Variants in STIMATE observed in about 807,000 individuals in gnomAD.
STIMATE encodes the protein store-operated calcium entry regulator STIMATE.
STIMATE carries 15 observed loss-of-function variants against 36.7 expected under a neutral mutation model. That is an observed-to-expected ratio of 0.41 (90% CI 0.27 to 0.63). STIMATE has a LOEUF of 0.63. Among genes scored for constraint, STIMATE ranks in the 20% least tolerant of loss-of-function variants. STIMATE has a pLI of 0.32. For synonymous variants in STIMATE, 163 were observed against 162.3 expected (o/e 1.00, Z -0.03); for missense variants, 305 against 397.3 (o/e 0.77, Z 1.98).
chr3:52,849,764 G>T (rs377748266), intron 4 of STIMATE, 28 bp downstream of exon 4: 4 of 1,603,948 alleles, frequency 2.5e-6, no homozygotes, highest in Non-Finnish European at 3.4e-6. Flanking sequence ...GTTCCCTCAC[G>T]CCCTGTCCGG....
Position 52,897,519 on chromosome 3 carries a change from C to G in STIMATE, c.-69G>C. On this transcript the variant is annotated 5_prime_UTR_variant, in exon 1 of 8. Transcript: ENST00000355083. ...GCCTCGCTGCCTGCCGGCGCAGCGCCGCCAAACCCGCAGCCGGGATCCCAA... is the reference window on the plus strand; with the variant it reads ...GCCTCGCTGCCTGCCGGCGCAGCGCGGCCAAACCCGCAGCCGGGATCCCAA... 8.4e-7 allele frequency: 1 copy of G among 1,186,472 alleles called. No individual in the cohort carries two copies. The highest frequency in any genetic ancestry group is 1.0e-6 in the Non-Finnish European group (1 of 959,752). 73.5% of individuals were successfully genotyped at this position (1,186,472 alleles called of 1,614,324 possible).
chr3:52,854,242 A>C (rs1011486447), intron 2 of STIMATE, among the ~76,000 whole-genome samples: 4 of 152,182 alleles, frequency 2.6e-5, no homozygotes, highest in Non-Finnish European at 4.4e-5. Flanking sequence ...ATTTCCCGGA[A>C]GACAGGAGCC....
intron 1 of STIMATE, chr3:52,895,940 T>C: frequency 7.8e-7 from 1 of 1,289,816 alleles, no homozygotes; most frequent in Non-Finnish European, 1.0e-6. Context: ...TTTGGCTAAG[T>C]TGTCACAAAT....
Position 52,839,756 on chromosome 3 carries a change from C to A in STIMATE, c.*738G>T, listed in dbSNP as rs1279812943. ...AATAATATTCCAAATAAAAAACTCC[C>A]GATTTTTCCTCCTGCCAGCCCACAC... On this transcript the variant is annotated 3_prime_UTR_variant, in exon 8 of 8. Coordinates refer to ENST00000355083, the MANE Select transcript of STIMATE (RefSeq NM_198563.5). 6.6e-6 allele frequency: 1 copy of A among 152,160 alleles called. No individual in the cohort carries two copies. The highest frequency in any genetic ancestry group is 1.5e-5 in the Non-Finnish European group (1 of 68,014). The allele number at this position is 152,160 out of a possible 1,614,324, so 9.4% of individuals were successfully genotyped here. A position where few individuals can be genotyped will look rare whatever the true frequency, so the allele number is the denominator to read the frequency against.
chr3:52,863,074 G>C (rs1367099985), intron 1 of STIMATE, among the ~76,000 whole-genome samples: 1 of 152,212 alleles, frequency 6.6e-6, no homozygotes. Flanking sequence ...TCAGAACAGT[G>C]AGAAAACATT....
In STIMATE at chr3:52,888,004, T is replaced by TG. The variant is rs1559499736; in HGVS notation, c.160+9286_160+9287insC. On this transcript the variant is annotated intron_variant, in intron 1 of 7. Transcript: ENST00000355083. ...CATATAACAGAATCAGTTTTTTTTT[T>TG]TTTTTTTTTTTTTTTTTGCCAGTAA... 5.7e-4 allele frequency among the ~76,000 whole-genome samples: 79 copies of TG among 137,482 alleles called. 1 individual carries two copies. The highest frequency in any genetic ancestry group is 1.0e-3 in the South Asian group (4 of 3,900). The allele number at this position is 137,482 out of a possible 152,430, so 90.2% of individuals were successfully genotyped here. A position where few individuals can be genotyped will look rare whatever the true frequency, so the allele number is the denominator to read the frequency against.
At chr3:52,866,943 TA>T (rs952244491) in intron 1 of STIMATE, among the ~76,000 whole-genome samples, 13 of 152,098 alleles carry the variant, frequency 8.5e-5, no homozygotes, top group East Asian at 1.9e-4. Context: ...GATGCAGGGA[TA>T]GGGGGAATGT....
chr3:52,861,034 T>G (rs1472696800), intron 1 of STIMATE, among the ~76,000 whole-genome samples: 1 of 152,168 alleles, frequency 6.6e-6, no homozygotes. Context: ...CTTTCTTCAT[T>G]AGTGGTGCTT....
intron 1 of STIMATE, among the ~76,000 whole-genome samples, chr3:52,865,645 T>C (rs1257789305): frequency 6.6e-6 from 1 of 152,168 alleles, no homozygotes; most frequent in African/African-American, 2.4e-5. Flanking sequence ...ATGATTCAAA[T>C]TGTCTCCTAT....
chr3:52,865,068 T>A (rs1369689855), intron 1 of STIMATE, among the ~76,000 whole-genome samples: 1 of 151,986 alleles, frequency 6.6e-6, no homozygotes, highest in Non-Finnish European at 1.5e-5. Flanking sequence ...TGCCTCAGCC[T>A]CCTGAGTAGC....
intron 1 of STIMATE, among the ~76,000 whole-genome samples, chr3:52,860,264 A>C (rs527417507): frequency 1.1e-4 from 17 of 152,100 alleles, no homozygotes; most frequent in South Asian, 2.1e-4. Context: ...GGAGAGGAAT[A>C]ACATATGGAG....
At chr3:52,843,585 G>A (rs1158316371) in intron 6 of STIMATE, 136 bp downstream of exon 6, 23 of 1,313,908 alleles carry the variant, frequency 1.8e-5, no homozygotes, top group African/African-American at 7.2e-5. Flanking sequence ...CCAGGTCTGG[G>A]GGTGGGAGAG....
chr3:52,863,765 C>A (rs1701256505), intron 1 of STIMATE, among the ~76,000 whole-genome samples: 1 of 152,222 alleles, frequency 6.6e-6, no homozygotes, highest in African/African-American at 2.4e-5. Context: ...AATACAGCCA[C>A]TCCAAATGGG....
chr3:52,859,543 T>TAAA (rs1701176246), intron 1 of STIMATE, among the ~76,000 whole-genome samples: 1 of 132,104 alleles, frequency 7.6e-6, no homozygotes, highest in African/African-American at 2.8e-5. Flanking sequence ...TTTTTTTTTT[T>TAAA]TTTTTTTTTT....
chr3:52,889,425 C>T (rs1701746144), intron 1 of STIMATE, among the ~76,000 whole-genome samples: 2 of 152,174 alleles, frequency 1.3e-5, no homozygotes, highest in South Asian at 4.1e-4. Flanking sequence ...GGCAGACAAT[C>T]CATAAAAGCT....
intron 3 of STIMATE, 52 bp downstream of exon 3, chr3:52,852,551 T>C: frequency 6.2e-7 from 1 of 1,607,846 alleles, no homozygotes; most frequent in Middle Eastern, 1.7e-4. Context: ...GGCCAGCCTA[T>C]ATTTTCAATG....
At chr3:52,859,662 T>G (rs1308388226) in intron 1 of STIMATE, among the ~76,000 whole-genome samples, 1 of 138,894 alleles carries the variant, frequency 7.2e-6, no homozygotes, top group Admixed American at 7.6e-5. Context: ...GGGAACAAAG[T>G]GAAACCCTGA....
intron 1 of STIMATE, among the ~76,000 whole-genome samples, chr3:52,864,952 C>CT (rs71615872): frequency 0.23 from 34,440 of 146,604 alleles, 4,218 homozygotes; most frequent in Admixed American, 0.37. Context: ...TCTCTCTTTT[C>CT]TTTTTTTTTT....
intron 4 of STIMATE, 52 bp from the exon 5 acceptor site, chr3:52,844,993 G>A (rs1430825514): frequency 1.3e-6 from 2 of 1,590,962 alleles, no homozygotes; most frequent in South Asian, 2.2e-5. Context: ...ATCTGAGTGA[G>A]ATGATGTCCC....
Sources: allele counts gnomAD v4.1 joint callset (sites outside exome capture counted in the v4.1 genomes callset), GRCh38; gene constraint gnomAD v4.1.1; transcripts MANE v1.5; gene names NCBI Gene and HGNC (gene_info 2026-07-23, HGNC 2026-07-21).